The following TP53BP1 variants were observed in gnomAD, a reference collection of about 807,000 sequenced individuals.
The protein encoded by TP53BP1 is TP53-binding protein 1.
In TP53BP1, 61 loss-of-function variants were observed where a neutral mutation model predicts 200.8. The observed-to-expected ratio is 0.30, with a 90% CI of 0.25 to 0.38. The LOEUF is 0.38. Among genes scored for constraint, TP53BP1 ranks in the 10% least tolerant of loss-of-function variants. The pLI is 1.00. For missense variants in TP53BP1, 2,144 were observed against 2,371.9 expected (o/e 0.90, Z 2.00); for synonymous variants, 822 against 844.3 (o/e 0.97, Z 0.46).
chr15:43,472,345 G>C (rs2046747002), intron 10 of TP53BP1, among the ~76,000 whole-genome samples: 1 of 152,186 alleles, frequency 6.6e-6, no homozygotes, highest in East Asian at 1.9e-4. Context: ...ACTTGTATAT[G>C]AAAGAGTGAA....
In TP53BP1 at chr15:43,432,620, C is replaced by T. The variant is rs778327088; in HGVS notation, c.3249G>A (p.Glu1083=). Residue 1083 remains glutamate, a synonymous_variant, in exon 17 of 28, where the codon GAG becomes GAA. Coordinates refer to ENST00000382044, the MANE Select transcript of TP53BP1 (RefSeq NM_001141980.3). The part of the protein sequence containing the change: ...SQGEEEKEKL[E]GDHTIRQSQQ... ...GACTCTGCCTGATTGTATGGTCACC[C>T]TCCAATTTTTCTTTCTCCTCTTCTC... 2.5e-6 allele frequency: 4 copies of T among 1,611,392 alleles called. No individual in the cohort carries two copies. In the South Asian group the frequency reaches 3.3e-5, roughly 13 times the overall value.
chr15:43,431,879 T>A (rs776650277), intron 17 of TP53BP1, among the ~76,000 whole-genome samples: 4 of 152,186 alleles, frequency 2.6e-5, no homozygotes, highest in Non-Finnish European at 4.4e-5. Context: ...ATAAAAAGTA[T>A]GGAGAAGGAA....
chr15:43,439,122 G>GAT (rs2045870162), intron 15 of TP53BP1, among the ~76,000 whole-genome samples: 1 of 152,164 alleles, frequency 6.6e-6, no homozygotes, highest in Non-Finnish European at 1.5e-5. Context: ...ATGAATACAT[G>GAT]GCAGTCCATT....
chr15:43,451,545 T>C (rs1264836249), intron 12 of TP53BP1, among the ~76,000 whole-genome samples: 3 of 152,228 alleles, frequency 2.0e-5, no homozygotes, highest in East Asian at 1.9e-4. Context: ...TAGTATTCCA[T>C]GGTGTATATG....
intron 1 of TP53BP1, among the ~76,000 whole-genome samples, chr15:43,508,090 G>A (rs1001817225): frequency 3.3e-5 from 5 of 152,160 alleles, no homozygotes; most frequent in Non-Finnish European, 5.9e-5. Flanking sequence ...GGCCGGGCAC[G>A]GTGGCCCATG....
At position 43,407,348 on chromosome 15, in the gene TP53BP1, A is replaced by G; in HGVS notation, c.*35T>C. The G allele has an allele frequency of 6.3e-7, 1 of 1,596,422 alleles. No individual in the cohort carries two copies. The highest frequency in any genetic ancestry group is 1.1e-5 in the South Asian group (1 of 90,122). On this transcript the variant is annotated 3_prime_UTR_variant, in exon 28 of 28. Transcript: ENST00000382044. ...ACCTGGTTAAAACACAATCTCCACG[A>G]TAGCAGGGAATAAAACCAGTAAGAC...
At chr15:43,409,475 C>A (rs2045039454) in intron 25 of TP53BP1, 172 bp downstream of exon 25, 1 of 529,014 alleles carries the variant, frequency 1.9e-6, no homozygotes, top group African/African-American at 1.9e-5. Flanking sequence ...CTTCTCTTCC[C>A]TATACACAAC....
intron 11 of TP53BP1, among the ~76,000 whole-genome samples, chr15:43,458,886 C>A (rs1595582231): frequency 6.6e-6 from 1 of 152,074 alleles, no homozygotes. Flanking sequence ...AAATGTTACA[C>A]CCACTTTGGA....
chr15:43,411,556 A>G (rs2045117263), intron 24 of TP53BP1, among the ~76,000 whole-genome samples: 1 of 152,270 alleles, frequency 6.6e-6, no homozygotes, highest in African/African-American at 2.4e-5. Context: ...TTTTAGTATT[A>G]GATGTCTTCC....
At chr15:43,417,073 C>T (rs2045282432) in intron 21 of TP53BP1, 1 of 152,236 alleles carries the variant, frequency 6.6e-6, no homozygotes, top group Non-Finnish European at 1.5e-5. Context: ...TCTGCTGCCA[C>T]CAAGCTGTGT....
chr15:43,487,106 C>T (rs1343540697), intron 4 of TP53BP1, among the ~76,000 whole-genome samples: 3 of 151,920 alleles, frequency 2.0e-5, no homozygotes, highest in Non-Finnish European at 4.4e-5. Context: ...ATATAAAGAA[C>T]TCTCAAAACA....
At chr15:43,429,433 C>T (rs2045622470) in intron 17 of TP53BP1, among the ~76,000 whole-genome samples, 1 of 152,210 alleles carries the variant, frequency 6.6e-6, no homozygotes, top group South Asian at 2.1e-4. Flanking sequence ...ACACTTTTGT[C>T]TCTCACCTTA....
chr15:43,453,086 C>T (rs1324252651), intron 12 of TP53BP1, among the ~76,000 whole-genome samples: 4 of 145,492 alleles, frequency 2.7e-5, no homozygotes, highest in Non-Finnish European at 6.0e-5. Context: ...CCCAGCTACT[C>T]GGGAGGCTGA....
At chr15:43,496,845 C>A (rs1358240882), upstream of TP53BP1, among the ~76,000 whole-genome samples, 1 of 152,132 alleles carries the variant, frequency 6.6e-6, no homozygotes, top group Admixed American at 6.5e-5. Context: ...AGGTCTCGAA[C>A]TCCGGCCTCA....
Position 43,438,728 on chromosome 15 carries a change from C to CAAAAAAAAAAAA in TP53BP1, c.3099-324_3099-313dup, listed in dbSNP as rs397699362. The stretch of plus-strand genomic sequence containing the variant: ...CAACAAATAATTTGCAAGCAAGAGG[C>CAAAAAAAAAAAA]AAAAAAAAAAAAAAAAAAAAAAAAA... On this transcript the variant is annotated intron_variant, in intron 15 of 27. Transcript: ENST00000382044. Among the ~76,000 whole-genome samples the CAAAAAAAAAAAA allele has an allele frequency of 3.7e-4, 8 of 21,648 alleles. 1 individual carries two copies. The highest frequency in any genetic ancestry group is 1.0e-3 in the African/African-American group (5 of 4,934). The allele number at this position is 21,648 out of a possible 152,430, so 14.2% of individuals were successfully genotyped here.
chr15:43,500,686 T>C (rs1384162065), intron 1 of TP53BP1, among the ~76,000 whole-genome samples: 1 of 152,104 alleles, frequency 6.6e-6, no homozygotes, highest in Non-Finnish European at 1.5e-5. Context: ...CTGGGCATGG[T>C]GGCGAGCACC....
intron 1 of TP53BP1, among the ~76,000 whole-genome samples, chr15:43,505,628 T>A (rs1490301861): frequency 6.6e-6 from 1 of 152,238 alleles, no homozygotes; most frequent in Non-Finnish European, 1.5e-5. Flanking sequence ...CTCTGCCCAT[T>A]TACTTAATGT....
At chr15:43,473,157 C>T (rs1487421164) in intron 10 of TP53BP1, among the ~76,000 whole-genome samples, 2 of 152,290 alleles carry the variant, frequency 1.3e-5, no homozygotes, top group East Asian at 3.9e-4. Context: ...GTGAGTGTTA[C>T]AGCTCATAAA....
At chr15:43,425,296 C>A (rs776195816) in intron 18 of TP53BP1, among the ~76,000 whole-genome samples, 3 of 152,192 alleles carry the variant, frequency 2.0e-5, no homozygotes, top group Non-Finnish European at 4.4e-5. Flanking sequence ...CCTGCTGTTT[C>A]CAGAAATATA....
Sources: gnomAD v4.1 joint callset for allele counts (sites outside exome capture counted in the v4.1 genomes callset) on GRCh38, gnomAD v4.1.1 for gene constraint, MANE v1.5 for transcripts, NCBI Gene and HGNC (gene_info 2026-07-23, HGNC 2026-07-21) for gene names.